The following ASPG variants were observed in gnomAD, a reference collection of about 807,000 sequenced individuals.
ASPG encodes the protein asparaginase.
In ASPG, 53 loss-of-function variants were observed where a neutral mutation model predicts 63.2. The ratio of observed to expected loss-of-function variants is 0.84; its 90% CI spans 0.67 to 1.05. ASPG has a LOEUF of 1.05. Among genes scored for constraint, ASPG ranks in the 50% least tolerant of loss-of-function variants. The pLI, the probability that ASPG is intolerant of heterozygous loss-of-function variation, is 0.00. For missense variants in ASPG, 741 were observed against 794.4 expected (o/e 0.93, Z 0.81); for synonymous variants, 370 against 355.0 (o/e 1.04, Z -0.48).
chr14:104,095,513 C>T lies in ASPG; in HGVS notation c.304-18C>T, dbSNP rs201350054. ...CTTGCGAGGGGCTGGCCTGCCTGAG[C>T]ATGCGCCCCTCCTGCAGAGGCACTA... On this transcript the variant is annotated intron_variant, in intron 3 of 15. Transcript: ENST00000551177. The T allele has an allele frequency of 1.2e-6, 2 of 1,612,270 alleles. No individual in the cohort carries two copies. The highest frequency in any genetic ancestry group is 3.3e-5 in the Admixed American group (2 of 60,012).
chr14:104,105,617 A>C (rs2037089673), intron 10 of ASPG, among the ~76,000 whole-genome samples, 167 bp downstream of exon 10: 1 of 152,044 alleles, frequency 6.6e-6, no homozygotes, highest in African/African-American at 2.4e-5. Context: ...GGTCTGCAGC[A>C]AGGAAGGTTT....
At chr14:104,105,997 C>T (rs1399117831) in intron 10 of ASPG, among the ~76,000 whole-genome samples, 1 of 152,248 alleles carries the variant, frequency 6.6e-6, no homozygotes, top group African/African-American at 2.4e-5. Flanking sequence ...GCCTGGCAGG[C>T]CAGACAGCCT....
intron 4 of ASPG, 63 bp from the exon 5 acceptor site, chr14:104,097,491 G>A: frequency 4.1e-6 from 6 of 1,474,322 alleles, no homozygotes; most frequent in South Asian, 1.3e-5. Context: ...CTGGAGAGAT[G>A]AGCCAGACAT....
At position 104,112,037 on chromosome 14, in the gene ASPG, G is replaced by T. The variant is rs962282634; in HGVS notation, c.1701+37G>T. 2.6e-6 allele frequency: 4 copies of T among 1,534,172 alleles called. No individual in the cohort carries two copies. In the African/African-American group the frequency reaches 4.1e-5, roughly 16 times the overall value. On this transcript the variant is annotated intron_variant, in intron 15 of 15. Transcript: ENST00000551177. ...CCCCAGGCGGGGCTGACACCCCCCA[G>T]TGAGCTTCTAGTGCAGGGCTGGATC...
At chr14:104,108,924 A>G in intron 12 of ASPG, 2 of 985,278 alleles carry the variant, frequency 2.0e-6, no homozygotes, top group Non-Finnish European at 2.4e-6. Context: ...TGCTAGCACC[A>G]ACTAATGCCC....
At chr14:104,105,530 C>T in intron 10 of ASPG, 80 bp downstream of exon 10, 2 of 1,460,136 alleles carry the variant, frequency 1.4e-6, no homozygotes, top group African/African-American at 1.4e-5. Context: ...ACCAGGCAGG[C>T]ACGAGCCCCT....
rs577551848 is a variant in ASPG, at chr14:104,107,300, G to A, written c.1388G>A (p.Arg463Gln). 1.1e-5 allele frequency: 18 copies of A among 1,605,198 alleles called. No homozygotes were observed. Among genetic ancestry groups the A allele is most frequent in the African/African-American group, 8.0e-5 (6 of 74,882 alleles). Residue 463 changes from arginine (R) to glutamine (Q), a missense_variant, in exon 12 of 16, where the codon CGG (arginine) becomes CAG (glutamine). Transcript: ENST00000551177. The stretch of plus-strand genomic sequence containing the variant: ...CAGAGAGGTGTGGACGTGAACACCC[G>A]GGACACGGATGGCTTCAGCCCGCTG... The part of the protein sequence containing the change: ...LLQRGVDVNT[R>Q]DTDGFSPLLL...
intron 5 of ASPG, 105 bp from the exon 6 acceptor site, chr14:104,098,748 C>T: frequency 2.0e-6 from 3 of 1,522,662 alleles, no homozygotes; most frequent in Non-Finnish European, 2.7e-6. Context: ...GTCCCACCTC[C>T]CCCTGGGTCT....
chr14:104,095,186 G>T (rs979958972), intron 3 of ASPG, among the ~76,000 whole-genome samples: 2 of 152,202 alleles, frequency 1.3e-5, no homozygotes, highest in Admixed American at 1.3e-4. Context: ...GGGCTTCGAG[G>T]CTCGTGCACC....
rs377074139 is a variant in ASPG, at chr14:104,103,689, C to T, written c.753+14C>T. The T allele has an allele frequency of 6.1e-5, 94 of 1,542,836 alleles. No homozygotes were observed. Among genetic ancestry groups the T allele is most frequent in the Middle Eastern group, 4.6e-4 (2 of 4,344 alleles). ...CCTGCCGCCCTGGTAGGGACCGCCC[C>T]GGCCATCCTGCCCCTGCAGCCCTGA... On this transcript the variant is annotated intron_variant, in intron 7 of 15. Coordinates refer to ENST00000551177, the MANE Select transcript of ASPG (RefSeq NM_001080464.3).
intron 1 of ASPG, among the ~76,000 whole-genome samples, chr14:104,087,548 C>T (rs1446511348): frequency 6.6e-6 from 1 of 152,176 alleles, no homozygotes; most frequent in Non-Finnish European, 1.5e-5. Flanking sequence ...CAGGAGCAGC[C>T]CTGCAAGGTG....
intron 6 of ASPG, 35 bp downstream of exon 6, chr14:104,099,014 C>T (rs2036753756): frequency 6.4e-7 from 1 of 1,552,974 alleles, no homozygotes; most frequent in Non-Finnish European, 8.7e-7. Flanking sequence ...GGTGCCTGCC[C>T]AGTGCTGGTG....
At position 104,111,903 on chromosome 14, in the gene ASPG, C is replaced by T; in HGVS notation, c.1621-17C>T. 1 of 1,550,486 alleles carries T rather than the reference C, an allele frequency of 6.4e-7. No homozygotes were observed. Among genetic ancestry groups the T allele is most frequent in the South Asian group, 1.2e-5 (1 of 83,866 alleles). ...TCAGTGGCCCCAAGGCAGCCCCTCC[C>T]CACTGCTTCCCCATAGGCAGAGGCA... On this transcript the variant is annotated splice_polypyrimidine_tract_variant and intron_variant, in intron 14 of 15. Coordinates refer to ENST00000551177, the MANE Select transcript of ASPG (RefSeq NM_001080464.3).
rs943133409 is a variant in ASPG at position 104,104,399 on chromosome 14, G to T, written c.849G>T (p.Leu283=). 38 of 1,612,482 alleles carry T rather than the reference G, an allele frequency of 2.4e-5. No individual in the cohort carries two copies. Among genetic ancestry groups the T allele is most frequent in the Non-Finnish European group, 3.1e-5 (37 of 1,179,824 alleles). Reference sequence around the variant, plus strand: ...CCAAGCCCGACCTGCTGCAGGAGCTGCGGGTGGCCACCGAGCGCGGCCTGG... The same window carrying T: ...CCAAGCCCGACCTGCTGCAGGAGCTTCGGGTGGCCACCGAGCGCGGCCTGG... ...GPTKPDLLQE[L]RVATERGLVI... Residue 283 remains leucine, a synonymous_variant, in exon 8 of 16, where the codon CTG becomes CTT. Transcript: ENST00000551177.
intron 12 of ASPG, chr14:104,108,619 T>G: frequency 1.0e-6 from 1 of 985,446 alleles, no homozygotes; most frequent in East Asian, 1.1e-4. Flanking sequence ...TAGGTCACCC[T>G]GTACAATGGG....
Position 104,112,658 on chromosome 14 carries a change from C to T in ASPG, c.*114C>T, listed in dbSNP as rs1294349702. Reference sequence around the variant, plus strand: ...CTTCCCAGCCTGCTCTCATGTAAAGCCTGAAGGCCTTTGTTGGGCAGGACG... The same window carrying T: ...CTTCCCAGCCTGCTCTCATGTAAAGTCTGAAGGCCTTTGTTGGGCAGGACG... On this transcript the variant is annotated 3_prime_UTR_variant, in exon 16 of 16. Transcript: ENST00000551177. The T allele has an allele frequency of 5.2e-6, 8 of 1,543,862 alleles. No individual in the cohort carries two copies. Among genetic ancestry groups the T allele is most frequent in the Non-Finnish European group, 7.0e-6 (8 of 1,149,780 alleles).
intron 6 of ASPG, among the ~76,000 whole-genome samples, chr14:104,100,658 TG>T (rs1438512096): frequency 6.6e-6 from 1 of 152,112 alleles, no homozygotes; most frequent in East Asian, 1.9e-4. Flanking sequence ...AACACATCAG[TG>T]TGTCTACTGT....
Position 104,091,113 on chromosome 14 carries a change from C to G in ASPG, c.83-1520C>G, listed in dbSNP as rs2036352244. Among the ~76,000 whole-genome samples the G allele has an allele frequency of 6.6e-6, 1 of 151,860 alleles. No individual in the cohort carries two copies. Among genetic ancestry groups the G allele is most frequent in the African/African-American group, 2.4e-5 (1 of 41,278 alleles). On this transcript the variant is annotated intron_variant, in intron 1 of 15. Transcript: ENST00000551177. The surrounding 1 kb of genome is among the most constrained non-coding windows in gnomAD (Gnocchi z 6.4). ...ATTCCAGACCTCAAGCAATCTGACA[C>G]CTCGGCCACCCAAAGTGCTGGGATT... is the stretch of plus-strand genomic sequence containing the variant.
chr14:104,097,148 C>T (rs1467320632), intron 4 of ASPG, among the ~76,000 whole-genome samples: 2 of 151,842 alleles, frequency 1.3e-5, no homozygotes, highest in African/African-American at 4.8e-5. Context: ...GTGATGCGTT[C>T]TCCAGTATGG....
Sources: allele counts gnomAD v4.1 joint callset (sites outside exome capture counted in the v4.1 genomes callset), GRCh38; gene constraint gnomAD v4.1.1; non-coding constraint Gnocchi (gnomAD v3.1); transcripts MANE v1.5; gene names NCBI Gene and HGNC (gene_info 2026-07-23, HGNC 2026-07-21).